MUC3A: variants seen among roughly 807,000 people sequenced by gnomAD.
MUC3A encodes the protein mucin 3A, cell surface associated, also known as mucin-3A.
Under a neutral mutation model 109.0 loss-of-function variants are expected in MUC3A, and 109 were observed. That is an observed-to-expected ratio of 1.00 (90% CI 0.86 to 1.17). The LOEUF (loss-of-function observed/expected upper bound fraction) is 1.17. Among genes scored for constraint, MUC3A ranks in the 50% most tolerant of loss-of-function variants. MUC3A has a pLI of 0.00. For missense variants in MUC3A, 3,537 were observed against 2,469.4 expected, an observed-to-expected ratio of 1.43 and a Z score of -9.16; for synonymous variants, 1,398 against 981.4, an observed-to-expected ratio of 1.42 and a Z score of -7.93.
chr7:100,955,449 T>A lies in MUC3A; in HGVS notation c.3670T>A (p.Phe1224Ile). ...LTTATDLTSTFTVSSSSAMST... is the reference protein window; with the variant it reads ...LTTATDLTSTITVSSSSAMST... ...TACAGCAACAGACCTCACATCAACA[T>A]TCACTGTTTCCAGTTCCTCAGCAAT... The change falls in exon 2 of 12, where the codon TTC (phenylalanine) becomes ATC (isoleucine). Residue 1224 changes from phenylalanine (F) to isoleucine (I), a missense_variant. Phe to Ile is a conservative substitution (Grantham distance 21, BLOSUM62 0). Coordinates refer to ENST00000379458, the MANE Select transcript of MUC3A (RefSeq NM_005960.2). 3.4e-6 allele frequency: 2 copies of A among 583,714 alleles called. No homozygotes were observed. Among genetic ancestry groups the A allele is most frequent in the Middle Eastern group, 2.9e-4 (1 of 3,456 alleles). The allele number at this position is 583,714 out of a possible 1,614,324, so 36.2% of individuals were successfully genotyped here.
At position 100,952,474 on chromosome 7, in the gene MUC3A, C is replaced by A. The variant is rs1020485759; in HGVS notation, c.695C>A (p.Pro232His). The change falls in exon 2 of 12, where the codon CCC becomes CAC. Residue 232 changes from proline (P) to histidine (H), a missense_variant. Coordinates refer to ENST00000379458, the MANE Select transcript of MUC3A (RefSeq NM_005960.2). ...AGAACCACAGAAAGGACTCCCCTGC[C>A]CACTGGAAGCATCCATACAACCACG... ...TTRTTERTPL[P>H]TGSIHTTTSP... The A allele has an allele frequency of 6.3e-7, 1 of 1,598,492 alleles. No homozygotes were observed. Among genetic ancestry groups the A allele is most frequent in the Non-Finnish European group, 8.5e-7 (1 of 1,179,758 alleles).
intron 3 of MUC3A, among the ~76,000 whole-genome samples, chr7:100,961,546 C>T (rs957135888): frequency 9.8e-5 from 15 of 152,424 alleles, no homozygotes; most frequent in East Asian, 7.7e-4. Flanking sequence ...CAGCTGATTA[C>T]GCCGGGCGGG....
rs1182895032 is a variant in MUC3A at position 100,954,488 on chromosome 7, C to G, written c.2709C>G (p.Ser903Arg). The G allele has an allele frequency of 2.5e-6, 1 of 402,680 alleles. No homozygotes were observed. The highest frequency in any genetic ancestry group is 2.1e-5 in the African/African-American group (1 of 48,704). 24.9% of individuals were successfully genotyped at this position (402,680 alleles called of 1,614,324 possible). The change falls in exon 2 of 12, where the codon AGC (serine) becomes AGG (arginine). Residue 903 changes from serine to arginine, a missense_variant. Ser to Arg is a moderately radical substitution (Grantham distance 110, BLOSUM62 -1). Transcript: ENST00000379458. The part of the protein sequence containing the change: ...ENTPTRSLLT[S>R]FPMTHSFSSS... ...CTCCAACAAGGTCCCTCCTGACAAG[C>G]TTTCCAATGACACATTCATTCTCTT...
At position 100,965,335 on chromosome 7, in the gene MUC3A, C is replaced by T. The variant is rs1333230466; in HGVS notation, c.9436C>T (p.Leu3146=). The T allele has an allele frequency of 1.3e-6, 2 of 1,598,846 alleles. No individual in the cohort carries two copies. The highest frequency in any genetic ancestry group is 2.2e-5 in the East Asian group (1 of 44,876). ...IKVNNNSKTE[L]TPAAICRRAA... ...GGTGAACAACAACAGCAAGACAGAGCTGACCCCGGCAGGTAAGGGTGGGGT... is the reference window on the plus strand; with the variant it reads ...GGTGAACAACAACAGCAAGACAGAGTTGACCCCGGCAGGTAAGGGTGGGGT... The change falls in exon 7 of 12, where the codon CTG becomes TTG. Residue 3146 remains leucine (L), a synonymous_variant. Coordinates refer to ENST00000379458, the MANE Select transcript of MUC3A (RefSeq NM_005960.2).
At chr7:100,950,286 C>T (rs901452957) in intron 1 of MUC3A, among the ~76,000 whole-genome samples, 4 of 152,310 alleles carry the variant, frequency 2.6e-5, no homozygotes, top group African/African-American at 7.2e-5. Flanking sequence ...CTGATGTCCA[C>T]TTCGCTTCCA....
chr7:100,952,786 A>C lies in MUC3A; in HGVS notation c.1007A>C (p.Tyr336Ser). ...SRSTPTSETT[Y>S]TTSPTSTVTD... Reference sequence around the variant, plus strand: ...TCTACACCTACATCTGAGACCACCTACACTACTTCTCCCACCAGCACTGTC... The same window carrying C: ...TCTACACCTACATCTGAGACCACCTCCACTACTTCTCCCACCAGCACTGTC... Residue 336 changes from tyrosine to serine, a missense_variant, in exon 2 of 12, where the codon TAC becomes TCC. Transcript: ENST00000379458. The C allele has an allele frequency of 6.4e-7, 1 of 1,553,442 alleles. No individual in the cohort carries two copies. The highest frequency in any genetic ancestry group is 2.4e-5 in the East Asian group (1 of 41,768).
At chr7:100,963,566 T>G (rs1792414999) in intron 4 of MUC3A, 122 bp from the exon 5 acceptor site, 1 of 1,473,140 alleles carries the variant, frequency 6.8e-7, no homozygotes, top group South Asian at 1.2e-5. Flanking sequence ...ATTACAGGCG[T>G]GAGCCACGGC....
At chr7:100,965,667 G>A in intron 7 of MUC3A, 37 bp from the exon 8 acceptor site, 7 of 1,582,700 alleles carry the variant, frequency 4.4e-6, no homozygotes, top group Non-Finnish European at 6.0e-6. Flanking sequence ...AATGGATGAG[G>A]TCCTTGTCTC....
At chr7:100,964,437 G>A (rs1464995451) in intron 5 of MUC3A, 3 of 530,240 alleles carry the variant, frequency 5.7e-6, no homozygotes, top group Admixed American at 3.7e-5. Context: ...TCCAGCCTGG[G>A]TGACAGCAAG....
At position 100,949,670 on chromosome 7, in the gene MUC3A, TC is replaced by T; in HGVS notation, c.50del (p.Pro17ArgfsTer60). ...LLGLLWMLKASPWATGTLSTA... is the reference protein window; with the variant it reads ...LLGLLWMLKAXPWATGTLSTA... ...CGGCCTCCTCTGGATGCTCAAGGCC[TC>T]CCCGTGGGCCACAGGTAAGGGGGAG... On this transcript the variant is annotated frameshift_variant, in exon 1 of 12. Coordinates refer to ENST00000379458, the MANE Select transcript of MUC3A (RefSeq NM_005960.2). LOFTEE classifies it high-confidence loss of function. 6.4e-7 allele frequency: 1 copy of T among 1,552,636 alleles called. No homozygotes were observed. The highest frequency in any genetic ancestry group is 8.6e-7 in the Non-Finnish European group (1 of 1,156,712).
chr7:100,960,151 C>T lies in MUC3A; in HGVS notation c.8372C>T (p.Pro2791Leu), dbSNP rs752689242. 10 of 1,561,574 alleles carry T rather than the reference C, an allele frequency of 6.4e-6. No individual in the cohort carries two copies. The African/African-American group carries it at 9.4e-5, about 15-fold the overall frequency. The change falls in exon 2 of 12, where the codon CCC (proline) becomes CTC (leucine). Residue 2791 changes from proline to leucine, a missense_variant. Coordinates refer to ENST00000379458, the MANE Select transcript of MUC3A (RefSeq NM_005960.2). ...SPTDPCVEMD[P>L]STEATSPPTT... ...ACTGATCCATGTGTTGAAATGGATC[C>T]CAGCACTGAAGCTACTTCTCCTCCC...
In MUC3A at chr7:100,958,665, A is replaced by G. The variant is rs1584803795; in HGVS notation, c.6886A>G (p.Thr2296Ala). The G allele has an allele frequency of 6.3e-7, 1 of 1,579,750 alleles. No homozygotes were observed. Among genetic ancestry groups the G allele is most frequent in the African/African-American group, 1.4e-5 (1 of 73,744 alleles). The change falls in exon 2 of 12, where the codon ACC becomes GCC. Residue 2296 changes from threonine (T) to alanine (A), a missense_variant. Transcript: ENST00000379458. The stretch of plus-strand genomic sequence containing the variant: ...TCCCAGCTCCACTTCTTTAATCACC[A>G]CCACCAAGACCACCTCACACAGTAC... ...STPSSTSLIT[T>A]TKTTSHSTPS...
At position 100,966,230 on chromosome 7, in the gene MUC3A, C is replaced by T. The variant is rs76159786; in HGVS notation, c.9612-156C>T. 7.5e-4 allele frequency: 299 copies of T among 399,566 alleles called. No individual in the cohort carries two copies. The African/African-American group carries it at 0.021, about 28-fold the overall frequency. The allele number at this position is 399,566 out of a possible 1,614,324, so 24.8% of individuals were successfully genotyped here. A position where few individuals can be genotyped will look rare whatever the true frequency, so the allele number is the denominator to read the frequency against. On this transcript the variant is annotated intron_variant, in intron 8 of 11. Coordinates refer to ENST00000379458, the MANE Select transcript of MUC3A (RefSeq NM_005960.2). ...CACCTAGGGTAGAGCCCCGGCCCCTCGTTCTAGGGTGGATTCCCAGCCCCT... is the reference window on the plus strand; with the variant it reads ...CACCTAGGGTAGAGCCCCGGCCCCTTGTTCTAGGGTGGATTCCCAGCCCCT...
At position 100,966,705 on chromosome 7, in the gene MUC3A, G is replaced by A. The variant is rs755316400; in HGVS notation, c.9839G>A (p.Gly3280Asp). The A allele has an allele frequency of 1.3e-6, 2 of 1,598,436 alleles. No individual in the cohort carries two copies. The highest frequency in any genetic ancestry group is 1.7e-6 in the Non-Finnish European group (2 of 1,179,840). ...GAGACCTGGGATGAGGAAGTCGTGG[G>A]CACTTTTTCAAACTGGGGTTTCGAG... is the stretch of plus-strand genomic sequence containing the variant. ...WFETWDEEVV[G>D]TFSNWGFEDD... Residue 3280 changes from glycine to aspartate, a missense_variant, in exon 10 of 12, where the codon GGC (glycine) becomes GAC (aspartate). Gly to Asp is a moderately conservative substitution (Grantham distance 94, BLOSUM62 -1). Coordinates refer to ENST00000379458, the MANE Select transcript of MUC3A (RefSeq NM_005960.2).
Position 100,966,498 on chromosome 7 carries a change from C to G in MUC3A, c.9724C>G (p.Leu3242Val), listed in dbSNP as rs1792567231. ...CGGCGCCGCGCTGCTGGTGCTGCTG[C>G]TGCTGGCGCTGGGCGTCCGGGCGGT... Reference protein sequence around the residue: ...TAGAALLVLLLLALGVRAVRS... With the variant: ...TAGAALLVLLVLALGVRAVRS... The change falls in exon 9 of 12, where the codon CTG becomes GTG. Residue 3242 changes from leucine to valine, a missense_variant. Coordinates refer to ENST00000379458, the MANE Select transcript of MUC3A (RefSeq NM_005960.2). 7.6e-7 allele frequency: 1 copy of G among 1,308,706 alleles called. No individual in the cohort carries two copies. Among genetic ancestry groups the G allele is most frequent in the Non-Finnish European group, 9.6e-7 (1 of 1,038,334 alleles). 81.1% of individuals were successfully genotyped at this position (1,308,706 alleles called of 1,614,324 possible). A position where few individuals can be genotyped will look rare whatever the true frequency, so the allele number is the denominator to read the frequency against.
At chr7:100,962,797 T>TTCTCTC (rs67170949) in intron 3 of MUC3A, among the ~76,000 whole-genome samples, 8,820 of 143,264 alleles carry the variant, frequency 0.062, 371 homozygotes, top group Non-Finnish European at 0.086. Context: ...CTTTCTTTCT[T>TTCTCTC]TCTCTCTCTC....
At position 100,966,673 on chromosome 7, in the gene MUC3A, A is replaced by G. The variant is rs751301708; in HGVS notation, c.9807A>G (p.Lys3269=). ...RRGRSWDQDR[K]WFETWDEEVV... ...CTAGGTCCTGGGACCAGGACAGGAAATGGTTCGAGACCTGGGATGAGGAAG... is the reference window on the plus strand; with the variant it reads ...CTAGGTCCTGGGACCAGGACAGGAAGTGGTTCGAGACCTGGGATGAGGAAG... Residue 3269 remains lysine (K), a synonymous_variant, in exon 10 of 12, where the codon AAA becomes AAG. Coordinates refer to ENST00000379458, the MANE Select transcript of MUC3A (RefSeq NM_005960.2). 1 of 1,598,546 alleles carries G rather than the reference A, an allele frequency of 6.3e-7. No homozygotes were observed.
rs1446334297 is a variant in MUC3A at position 100,964,794 on chromosome 7, G to A, written c.9333G>A (p.Glu3111=). The A allele has an allele frequency of 5.6e-6, 9 of 1,598,134 alleles. No homozygotes were observed. Among genetic ancestry groups the A allele is most frequent in the African/African-American group, 2.7e-5 (2 of 74,958 alleles). The change falls in exon 6 of 12, where the codon GAG becomes GAA. Residue 3111 remains glutamate (E), a synonymous_variant. Transcript: ENST00000379458. ...EYEQVKTTLK[E]GLQNASQDVN... is the part of the protein sequence containing the mutation. ...AGCAGGTGAAGACCACGCTGAAGGA[G>A]GGGCTGCAGAACGCCAGCCAGGATG...
In MUC3A at chr7:100,960,918, T is replaced by C; in HGVS notation, c.9033T>C (p.Ala3011=). 6.3e-7 allele frequency: 1 copy of C among 1,598,538 alleles called. No homozygotes were observed. Among genetic ancestry groups the C allele is most frequent in the Non-Finnish European group, 8.5e-7 (1 of 1,179,816 alleles). Residue 3011 remains alanine (A), a synonymous_variant, in exon 3 of 12, where the codon GCT becomes GCC. Transcript: ENST00000379458. ...TCTATGGTTCCAGTTGTGAGTTTGC[T>C]GTGGAACAGGTGGATCTAGGTGAGT... ...STFYGSSCEF[A]VEQVDLDVVE...
Sources: gnomAD v4.1 joint callset for allele counts (sites outside exome capture counted in the v4.1 genomes callset) on GRCh38, gnomAD v4.1.1 for gene constraint, MANE v1.5 for transcripts, NCBI Gene and HGNC (gene_info 2026-07-23, HGNC 2026-07-21) for gene names.